Variants in SLC9C1 observed in about 807,000 individuals in gnomAD.
SLC9C1 encodes solute carrier family 9 member C1.
A neutral mutation model predicts 140.9 loss-of-function variants in SLC9C1; 97 were observed. The observed-to-expected ratio is 0.69, with a 90% CI of 0.58 to 0.82. The LOEUF is 0.82. Among genes scored for constraint, SLC9C1 ranks in the 40% least tolerant of loss-of-function variants. The pLI is 0.00. For missense variants in SLC9C1, 1,340 were observed against 1,389.3 expected, an observed-to-expected ratio of 0.96 and a Z score of 0.56; for synonymous variants, 440 against 442.6, an observed-to-expected ratio of 0.99 and a Z score of 0.07.
intron 28 of SLC9C1, among the ~76,000 whole-genome samples, chr3:112,150,734 A>AATAT (rs531247100): frequency 6.9e-6 from 1 of 145,606 alleles, no homozygotes; most frequent in Non-Finnish European, 1.5e-5. Context: ...GCATGGAAGA[A>AATAT]ATATATATAT....
chr3:112,158,859 G>A (rs2075203917), intron 26 of SLC9C1, among the ~76,000 whole-genome samples: 1 of 151,696 alleles, frequency 6.6e-6, no homozygotes, highest in South Asian at 2.1e-4. Context: ...GGTATCGGTT[G>A]CAATCTTTAC....
intron 15 of SLC9C1, among the ~76,000 whole-genome samples, chr3:112,209,645 T>G (rs1312598764): frequency 2.6e-5 from 4 of 152,036 alleles, no homozygotes; most frequent in African/African-American, 9.7e-5. Flanking sequence ...AATAGCAAAG[T>G]TTCAGGAAAC....
Position 112,155,066 on chromosome 3 carries a change from A to AC in SLC9C1, c.3365-18_3365-17insG, listed in dbSNP as rs765348453. On this transcript the variant is annotated splice_polypyrimidine_tract_variant and intron_variant, in intron 26 of 28. Transcript: ENST00000305815. ...CAACTGAACCTGATTAAAAAAAAAAAAAACAGTGTTAATTCAACCACTGAA... is the reference window on the plus strand; with the variant it reads ...CAACTGAACCTGATTAAAAAAAAAAACAAACAGTGTTAATTCAACCACTGAA... 2.4e-5 allele frequency: 39 copies of AC among 1,597,096 alleles called. No individual in the cohort carries two copies. The highest frequency in any genetic ancestry group is 2.5e-5 in the Non-Finnish European group (29 of 1,175,028).
chr3:112,267,723 G>A (rs1173945500), intron 7 of SLC9C1, among the ~76,000 whole-genome samples: 1 of 151,806 alleles, frequency 6.6e-6, no homozygotes, highest in Non-Finnish European at 1.5e-5. Flanking sequence ...CCCTTCTAAA[G>A]ATGGAAAATT....
chr3:112,166,141 T>G (rs1436665819), intron 26 of SLC9C1, among the ~76,000 whole-genome samples: 1 of 152,042 alleles, frequency 6.6e-6, no homozygotes, highest in Non-Finnish European at 1.5e-5. Context: ...AGGGTGGGAG[T>G]GACCCGATTT....
intron 16 of SLC9C1, among the ~76,000 whole-genome samples, chr3:112,204,739 G>A (rs929418990): frequency 6.6e-6 from 1 of 151,954 alleles, no homozygotes; most frequent in African/African-American, 2.4e-5. Context: ...AAAACAAGTT[G>A]CCCTAAATGC....
intron 26 of SLC9C1, 152 bp from the exon 27 acceptor site, chr3:112,155,201 T>C (rs910559350): frequency 3.3e-6 from 2 of 598,712 alleles, no homozygotes; most frequent in African/African-American, 3.7e-5. Context: ...AAAAAAAGGG[T>C]CACATTTAAA....
chr3:112,262,810 T>A (rs2079811418), intron 10 of SLC9C1, 114 bp downstream of exon 10: 1 of 931,048 alleles, frequency 1.1e-6, no homozygotes, highest in Admixed American at 4.0e-5. Flanking sequence ...CATAGCTAAA[T>A]CACTCCTACA....
chr3:112,245,377 T>C (rs2079253293), intron 10 of SLC9C1, among the ~76,000 whole-genome samples: 1 of 152,096 alleles, frequency 6.6e-6, no homozygotes, highest in Non-Finnish European at 1.5e-5. Flanking sequence ...TTTAAGTCTA[T>C]GGTCCATCTC....
At chr3:112,180,296 C>T (rs1194131074) in intron 22 of SLC9C1, among the ~76,000 whole-genome samples, 9 of 152,084 alleles carry the variant, frequency 5.9e-5, no homozygotes, top group East Asian at 1.9e-4. Flanking sequence ...CTGAGGCGGG[C>T]GGATCACCTG....
intron 28 of SLC9C1, among the ~76,000 whole-genome samples, chr3:112,146,437 G>A (rs188581306): frequency 2.6e-5 from 4 of 152,110 alleles, no homozygotes; most frequent in Admixed American, 6.5e-5. Flanking sequence ...TAACTTTTGA[G>A]GTAGGCATTT....
At chr3:112,196,440 CAA>C (rs1219744945) in intron 20 of SLC9C1, among the ~76,000 whole-genome samples, 3 of 152,044 alleles carry the variant, frequency 2.0e-5, no homozygotes, top group African/African-American at 7.2e-5. Flanking sequence ...CATTAAATTT[CAA>C]AAGTTTTTGG....
At chr3:112,185,869 A>G (rs951538115) in intron 20 of SLC9C1, 7 of 1,589,490 alleles carry the variant, frequency 4.4e-6, no homozygotes, top group Non-Finnish European at 5.9e-6. Context: ...CACAGCTCCC[A>G]CTCGCCAGGC....
At chr3:112,170,120 A>G (rs990695456) in intron 23 of SLC9C1, among the ~76,000 whole-genome samples, 2 of 152,228 alleles carry the variant, frequency 1.3e-5, no homozygotes, top group Non-Finnish European at 2.9e-5. Context: ...AGCACAGGCA[A>G]CAAGAACAAA....
At chr3:112,173,117 T>G (rs1335509237) in intron 23 of SLC9C1, among the ~76,000 whole-genome samples, 3 of 152,184 alleles carry the variant, frequency 2.0e-5, no homozygotes, top group African/African-American at 7.2e-5. Context: ...CTGTGTAAGA[T>G]TCATATTATT....
chr3:112,221,342 TAAAAAGAATA>T, intron 13 of SLC9C1, 117 bp from the exon 14 acceptor site: 2 of 848,650 alleles, frequency 2.4e-6, no homozygotes, highest in Non-Finnish European at 3.6e-6. Flanking sequence ...AGTCTGTTTG[TAAAAAGAATA>T]TTTCTATGGA....
At chr3:112,254,624 G>A (rs1166515023) in intron 10 of SLC9C1, among the ~76,000 whole-genome samples, 1 of 152,062 alleles carries the variant, frequency 6.6e-6, no homozygotes, top group Non-Finnish European at 1.5e-5. Flanking sequence ...ATCACTGACA[G>A]CCAACACAAA....
At chr3:112,201,941 C>T (rs6797177) in intron 18 of SLC9C1, among the ~76,000 whole-genome samples, 115,082 of 151,756 alleles carry the variant, frequency 0.76, 44,008 homozygotes, top group East Asian at 0.99. Context: ...TCCTATTTTA[C>T]ACACCCATAG....
chr3:112,274,150 T>C (rs2080150744), intron 6 of SLC9C1, among the ~76,000 whole-genome samples: 1 of 152,120 alleles, frequency 6.6e-6, no homozygotes, highest in African/African-American at 2.4e-5. Flanking sequence ...ATTCAGAGAC[T>C]AAACATTGAA....
Sources: allele counts gnomAD v4.1 joint callset (sites outside exome capture counted in the v4.1 genomes callset), GRCh38; gene constraint gnomAD v4.1.1; transcripts MANE v1.5; gene names NCBI Gene and HGNC (gene_info 2026-07-23, HGNC 2026-07-21).